The following WTAP variants were observed in gnomAD, a reference collection of about 807,000 sequenced individuals.
WTAP encodes WT1 associated protein.
In WTAP, 8 loss-of-function variants were observed where a neutral mutation model predicts 50.0. That is an observed-to-expected ratio of 0.16 (90% CI 0.09 to 0.29). WTAP has a LOEUF of 0.29. WTAP is among the 10% of genes least tolerant of loss of function. The pLI, the probability that WTAP is intolerant of heterozygous loss-of-function variation, is 1.00. For missense variants in WTAP, 295 were observed against 470.7 expected (o/e 0.63, Z 3.45); for synonymous variants, 194 against 169.0 (o/e 1.15, Z -1.15).
chr6:159,733,359 G>A (rs902836461), intron 1 of WTAP, among the ~76,000 whole-genome samples: 1 of 152,200 alleles, frequency 6.6e-6, no homozygotes, highest in Non-Finnish European at 1.5e-5. Context: ...GCTCACGCCT[G>A]TAATGCCAGC....
At position 159,755,586 on chromosome 6, in the gene WTAP, T is replaced by C. The variant is rs1442684367; in HGVS notation, c.1166T>C (p.Val389Ala). The C allele has an allele frequency of 3.7e-6, 6 of 1,612,954 alleles. No homozygotes were observed. The highest frequency in any genetic ancestry group is 1.7e-5 in the Admixed American group (1 of 59,866). The change falls in exon 8 of 8, where the codon GTA becomes GCA. Residue 389 changes from valine (V) to alanine (A), a missense_variant. Val to Ala is a moderately conservative substitution (Grantham distance 64). This residue lies in a region of WTAP where 175 missense variants were observed against 183.1 expected (regional missense o/e 0.96). Transcript: ENST00000621533. Reference protein sequence around the residue: ...RHVQNGLDSSVNVQGSVL With the variant: ...RHVQNGLDSSANVQGSVL ...GTTCAGAATGGCTTGGACTCAAGTGTAAATGTACAGGGTTCAGTTTTGTAA... is the reference window on the plus strand; with the variant it reads ...GTTCAGAATGGCTTGGACTCAAGTGCAAATGTACAGGGTTCAGTTTTGTAA...
chr6:159,736,125 TTTATTTAAATTCTAA>T (rs1778898033), intron 1 of WTAP, 118 bp from the exon 2 acceptor site: 2 of 927,160 alleles, frequency 2.2e-6, no homozygotes, highest in Admixed American at 5.5e-5. Context: ...TTTAAAATTG[TTTATTTAAATTCTAA>T]TTATTCAACA....
intron 1 of WTAP, among the ~76,000 whole-genome samples, chr6:159,730,662 A>G (rs547689959): frequency 2.0e-5 from 3 of 152,184 alleles, no homozygotes; most frequent in African/African-American, 7.2e-5. Context: ...CATCAGATTA[A>G]AGTTGAGGAA....
chr6:159,730,764 C>T (rs1778516673), intron 1 of WTAP: 1 of 152,138 alleles, frequency 6.6e-6, no homozygotes, highest in African/African-American at 2.4e-5. Context: ...TGAGAGTTGA[C>T]TTAGGAAGTG....
intron 5 of WTAP, among the ~76,000 whole-genome samples, chr6:159,745,689 G>A (rs549109681): frequency 6.6e-6 from 1 of 152,284 alleles, no homozygotes; most frequent in Admixed American, 6.5e-5. Flanking sequence ...AGCAAGAGAT[G>A]TATGTGATGG....
At chr6:159,736,831 C>CAT (rs1778949984) in intron 2 of WTAP, 1 of 152,284 alleles carries the variant, frequency 6.6e-6, no homozygotes, top group African/African-American at 2.4e-5. Context: ...TACATACACA[C>CAT]ACATACACAC....
At chr6:159,750,500 G>A (rs1199073138) in intron 6 of WTAP, among the ~76,000 whole-genome samples, 1 of 152,152 alleles carries the variant, frequency 6.6e-6, no homozygotes, top group Non-Finnish European at 1.5e-5. Flanking sequence ...TTCTCCAAGA[G>A]CAGTAACTGC....
chr6:159,755,109 A>G lies in WTAP; in HGVS notation c.689A>G (p.Lys230Arg), dbSNP rs1231389894. The change falls in exon 8 of 8, where the codon AAG becomes AGG. Residue 230 changes from lysine to arginine, a missense_variant. Physicochemically the swap from Lys to Arg is conservative, Grantham distance 26. Coordinates refer to ENST00000621533, the MANE Select transcript of WTAP (RefSeq NM_001270531.2). ...ATTCTAGTTCTGCAGCAGCAGCTGA[A>G]GGAGACACGCCAGCAGTTGGCTCAG... ...STILVLQQQL[K>R]ETRQQLAQYQ... The G allele has an allele frequency of 6.2e-7, 1 of 1,614,096 alleles. No homozygotes were observed. The highest frequency in any genetic ancestry group is 8.5e-7 in the Non-Finnish European group (1 of 1,180,050).
Position 159,736,326 on chromosome 6 carries a change from T to C in WTAP, c.30+31T>C, listed in dbSNP as rs755980403. ...GGTTTTGGTTTTGGGTTTTTTTGTT[T>C]TGTTTTGGGTTTTTTGGGGGCTTTT... On this transcript the variant is annotated intron_variant, in intron 2 of 7. Coordinates refer to ENST00000621533, the MANE Select transcript of WTAP (RefSeq NM_001270531.2). 3.8e-6 allele frequency: 6 copies of C among 1,575,784 alleles called. No homozygotes were observed. The South Asian group carries it at 5.8e-5, about 15-fold the overall frequency.
In WTAP at chr6:159,748,068, G is replaced by T; in HGVS notation, c.274-123G>T. On this transcript the variant is annotated intron_variant, in intron 5 of 7. Coordinates refer to ENST00000621533, the MANE Select transcript of WTAP (RefSeq NM_001270531.2). This position sits in a 1 kb window ranked among gnomAD's most constrained non-coding sequence, Gnocchi z 5.6. ...TTAAGATTTTTCTAGAGAATTTCAG[G>T]ATCAAAGAGGGGAGGAGCTTAATGA... The T allele has an allele frequency of 3.3e-6, 4 of 1,225,744 alleles. No homozygotes were observed. The highest frequency in any genetic ancestry group is 1.7e-5 in the South Asian group (1 of 60,452). 75.9% of individuals were successfully genotyped at this position (1,225,744 alleles called of 1,614,324 possible).
At chr6:159,742,024 T>C (rs747191987) in intron 3 of WTAP, 64 bp from the exon 4 acceptor site, 33 of 1,160,120 alleles carry the variant, frequency 2.8e-5, no homozygotes, top group Admixed American at 1.8e-4. Context: ...TTTATAGATA[T>C]CTTCTAGTTT....
At chr6:159,731,158 A>G (rs1583063466) in intron 1 of WTAP, among the ~76,000 whole-genome samples, 3 of 151,816 alleles carry the variant, frequency 2.0e-5, no homozygotes, top group African/African-American at 7.3e-5. Context: ...AGAAAAAAAG[A>G]AAAGAAATTT....
intron 5 of WTAP, among the ~76,000 whole-genome samples, chr6:159,744,494 C>T (rs1429507871): frequency 6.7e-6 from 1 of 150,144 alleles, no homozygotes; most frequent in Non-Finnish European, 1.5e-5. Flanking sequence ...GTATTCTGGT[C>T]ATTGGAGACA....
At chr6:159,727,422 G>T, upstream of WTAP, 1 of 1,170,520 alleles carries the variant, frequency 8.5e-7, no homozygotes, top group Non-Finnish European at 1.1e-6. Context: ...GCTGGCCTGC[G>T]GCGCGTTCGG....
chr6:159,752,626 A>G, intron 6 of WTAP, among the ~76,000 whole-genome samples: 1 of 152,216 alleles, frequency 6.6e-6, no homozygotes, highest in East Asian at 1.9e-4. Flanking sequence ...TTGTGTCAAA[A>G]GGATGATCTT....
At chr6:159,729,959 T>C (rs1778467198) in intron 1 of WTAP, among the ~76,000 whole-genome samples, 1 of 152,210 alleles carries the variant, frequency 6.6e-6, no homozygotes, top group African/African-American at 2.4e-5. Flanking sequence ...AACTCCATAC[T>C]AAGCTGTTTT....
At chr6:159,735,768 T>C (rs1293284228) in intron 1 of WTAP, among the ~76,000 whole-genome samples, 1 of 151,832 alleles carries the variant, frequency 6.6e-6, no homozygotes, top group Non-Finnish European at 1.5e-5. Context: ...AAAAATAAAA[T>C]ATATAATATA....
upstream of WTAP, chr6:159,726,851 C>T: frequency 8.5e-6 from 11 of 1,289,218 alleles, no homozygotes; most frequent in Non-Finnish European, 1.1e-5. Flanking sequence ...TCAAAACTTA[C>T]AGGTGAGCTT....
rs758217147 is a variant in WTAP, at chr6:159,748,827, G to A, written c.452+458G>A. 2.9e-4 allele frequency: 355 copies of A among 1,226,404 alleles called. No homozygotes were observed. Among genetic ancestry groups the A allele is most frequent in the Non-Finnish European group, 3.3e-4 (329 of 984,820 alleles). 76.0% of individuals were successfully genotyped at this position (1,226,404 alleles called of 1,614,324 possible). ...AAAATGTAAAAACGGAATATGCATCGCTCTTAACCTTGAGCATAGTGACTT... is the reference window on the plus strand; with the variant it reads ...AAAATGTAAAAACGGAATATGCATCACTCTTAACCTTGAGCATAGTGACTT... On this transcript the variant is annotated intron_variant, in intron 6 of 7. Transcript: ENST00000621533. This position sits in a 1 kb window ranked among gnomAD's most constrained non-coding sequence, Gnocchi z 5.6.
Sources: gnomAD v4.1 joint callset for allele counts (sites outside exome capture counted in the v4.1 genomes callset) on GRCh38, gnomAD v4.1.1 for gene constraint, gnomAD v4.1.1 regional missense constraint, Gnocchi (gnomAD v3.1) non-coding constraint, MANE v1.5 for transcripts, NCBI Gene and HGNC (gene_info 2026-07-23, HGNC 2026-07-21) for gene names.